The following MYBPC2 variants were observed in gnomAD, a reference collection of about 807,000 sequenced individuals.
MYBPC2 encodes myosin-binding protein C, fast-type.
MYBPC2 carries 122 observed loss-of-function variants against 137.0 expected under a neutral mutation model. The ratio of observed to expected loss-of-function variants is 0.89; its 90% CI spans 0.77 to 1.03. MYBPC2 has a LOEUF of 1.03. Ranked by LOEUF, MYBPC2 falls within the 50% of genes least tolerant of loss-of-function variation. The pLI is 0.00. For synonymous variants in MYBPC2, 626 were observed against 612.3 expected, an observed-to-expected ratio of 1.02 and a Z score of -0.33; for missense variants, 1,500 against 1,534.4, an observed-to-expected ratio of 0.98 and a Z score of 0.37.
rs774231579 is a variant in MYBPC2, at chr19:50,466,251, C to A, written c.*46C>A. The A allele has an allele frequency of 3.7e-6, 6 of 1,612,952 alleles. No individual in the cohort carries two copies. The Admixed American group carries it at 8.3e-5, about 22-fold the overall frequency. On this transcript the variant is annotated 3_prime_UTR_variant, in exon 28 of 28. Coordinates refer to ENST00000357701, the MANE Select transcript of MYBPC2 (RefSeq NM_004533.4). The surrounding 1 kb of genome is among the most constrained non-coding windows in gnomAD (Gnocchi z 4.9). ...AGACAATTGGTGGTGGAGTCCTGAC[C>A]CCAATCCCCAACCTCCCAGGACTGT...
rs377472716 is a variant in MYBPC2, at chr19:50,461,662, C to G, written c.3052C>G (p.Pro1018Ala). The change falls in exon 25 of 28, where the codon CCT becomes GCT. Residue 1018 changes from proline to alanine, a missense_variant. Pro to Ala is a conservative substitution (Grantham distance 27). Coordinates refer to ENST00000357701, the MANE Select transcript of MYBPC2 (RefSeq NM_004533.4). ...TENICGLSDSPGVSKNTARIL... is the reference protein window; with the variant it reads ...TENICGLSDSAGVSKNTARIL... ...GAACATCTGTGGGCTCAGTGACTCA[C>G]CTGGTGTCTCCAAGAACACGGCCCG... The G allele has an allele frequency of 4.3e-6, 7 of 1,613,578 alleles. No individual in the cohort carries two copies. The South Asian group carries it at 7.7e-5, about 18-fold the overall frequency.
chr19:50,450,488 C>T (rs978537739), intron 13 of MYBPC2, among the ~76,000 whole-genome samples: 2 of 152,084 alleles, frequency 1.3e-5, no homozygotes, highest in Admixed American at 6.6e-5. Context: ...TGGCTGGTCT[C>T]GAACTCCTGG....
intron 14 of MYBPC2, 115 bp from the exon 15 acceptor site, chr19:50,451,165 A>T: frequency 7.4e-7 from 1 of 1,346,640 alleles, no homozygotes; most frequent in South Asian, 1.3e-5. Context: ...TGTCTCCAGC[A>T]CCCCAGTTCC....
chr19:50,458,704 G>T lies in MYBPC2; in HGVS notation c.2456G>T (p.Arg819Leu). 6.2e-7 allele frequency: 1 copy of T among 1,610,180 alleles called. No homozygotes were observed. Among genetic ancestry groups the T allele is most frequent in the Non-Finnish European group, 8.5e-7 (1 of 1,179,864 alleles). The stretch of plus-strand genomic sequence containing the variant: ...GTAGTTGGGGTCAACATCGCGGGGC[G>T]CAGCGAGCCGGCCACCCTGGCCCAG... ...FRVVGVNIAG[R>L]SEPATLAQPV... The change falls in exon 21 of 28, where the codon CGC becomes CTC. Residue 819 changes from arginine (R) to leucine (L), a missense_variant. By Grantham distance (102) the Arg-to-Leu change is moderately radical. Transcript: ENST00000357701.
At chr19:50,446,843 C>T (rs923240044) in intron 12 of MYBPC2, among the ~76,000 whole-genome samples, 5 of 149,852 alleles carry the variant, frequency 3.3e-5, no homozygotes, top group Non-Finnish European at 7.4e-5. Context: ...AAAAATTAGC[C>T]GAGCATGGTG....
At chr19:50,445,390 C>T (rs2039794324) in intron 11 of MYBPC2, among the ~76,000 whole-genome samples, 1 of 149,816 alleles carries the variant, frequency 6.7e-6, no homozygotes, top group Non-Finnish European at 1.5e-5. Flanking sequence ...TCTCTCCTCA[C>T]TGCCTTTTTT....
rs745683077 is a variant in MYBPC2 at position 50,443,607 on chromosome 19, T to A, written c.1016T>A (p.Leu339His). Residue 339 changes from leucine (L) to histidine (H), a missense_variant, in exon 10 of 28, where the codon CTC becomes CAC. Physicochemically the swap from Leu to His is moderately conservative, Grantham distance 99. Coordinates refer to ENST00000357701, the MANE Select transcript of MYBPC2 (RefSeq NM_004533.4). ...AAGGATGAGAAGTGTTTCACCGAGC[T>A]CTTCGTCAAAGGTGAGGCTGGAATT... ...AVKDEKCFTE[L>H]FVKEPPVLIV... 1.2e-6 allele frequency: 2 copies of A among 1,613,594 alleles called. No homozygotes were observed. The highest frequency in any genetic ancestry group is 1.7e-6 in the Non-Finnish European group (2 of 1,179,694).
At chr19:50,454,997 C>A in intron 18 of MYBPC2, 111 bp from the exon 19 acceptor site, 6 of 1,000,764 alleles carry the variant, frequency 6.0e-6, no homozygotes, top group Non-Finnish European at 8.6e-6. Context: ...AGATTCATGG[C>A]CTCGGACCGC....
At position 50,458,670 on chromosome 19, in the gene MYBPC2, C is replaced by CCGTCAAGAA; in HGVS notation, c.2422_2423insCGTCAAGAA (p.Leu808delinsProSerArgIle). 1 of 1,612,600 alleles carries CCGTCAAGAA rather than the reference C, an allele frequency of 6.2e-7. No homozygotes were observed. The highest frequency in any genetic ancestry group is 8.5e-7 in the Non-Finnish European group (1 of 1,179,890). On this transcript the variant is annotated protein_altering_variant, in exon 21 of 28. Transcript: ENST00000357701. ...GAATCTCCCGACCGGAGCCAGAATC[C>CCGTCAAGAA]TCTTCCGAGTAGTTGGGGTCAACAT...
intron 7 of MYBPC2, 116 bp from the exon 8 acceptor site, chr19:50,440,764 G>A: frequency 9.7e-7 from 1 of 1,025,696 alleles, no homozygotes; most frequent in Non-Finnish European, 1.4e-6. Context: ...GAAACAATAA[G>A]ACCCCTAAAG....
chr19:50,445,895 G>A lies in MYBPC2; in HGVS notation c.1149G>A (p.Val383=). The A allele has an allele frequency of 1.2e-6, 2 of 1,607,664 alleles. No homozygotes were observed. Among genetic ancestry groups the A allele is most frequent in the Admixed American group, 1.7e-5 (1 of 59,064 alleles). The change falls in exon 12 of 28, where the codon GTG becomes GTA. Residue 383 remains valine, a synonymous_variant. Transcript: ENST00000357701. ...ACCCACCTAGGATGAAAGATGGTGTGGAACTGACTCGGGAGGATTCCTTCA... is the reference window on the plus strand; with the variant it reads ...ACCCACCTAGGATGAAAGATGGTGTAGAACTGACTCGGGAGGATTCCTTCA... ...GAQVMWMKDG[V]ELTREDSFKA... is the part of the protein sequence containing the mutation.
rs1034062577 is a variant in MYBPC2, at chr19:50,455,305, C to T, written c.2203+9C>T. 1 of 1,611,286 alleles carries T rather than the reference C, an allele frequency of 6.2e-7. No individual in the cohort carries two copies. Among genetic ancestry groups the T allele is most frequent in the East Asian group, 2.2e-5 (1 of 44,826 alleles). ...GCCTTTTATGCCTATTGGTAATGTC[C>T]TCCCTCACTTTTATGCCTATTGGTA... On this transcript the variant is annotated intron_variant, in intron 19 of 27. Transcript: ENST00000357701.
At chr19:50,463,105 C>A (rs1267118914) in intron 26 of MYBPC2, among the ~76,000 whole-genome samples, 1 of 152,210 alleles carries the variant, frequency 6.6e-6, no homozygotes, top group Non-Finnish European at 1.5e-5. Context: ...CAAACCATCA[C>A]CCATGGGTCA....
intron 26 of MYBPC2, among the ~76,000 whole-genome samples, 154 bp downstream of exon 26, chr19:50,462,190 A>AT (rs564333279): frequency 0.087 from 12,545 of 144,168 alleles, 651 homozygotes; most frequent in African/African-American, 0.15. Flanking sequence ...TTGATTTTTG[A>AT]TTTTTTTTTT....
chr19:50,445,094 C>T (rs1334615139), intron 11 of MYBPC2, among the ~76,000 whole-genome samples: 1 of 151,966 alleles, frequency 6.6e-6, no homozygotes, highest in Non-Finnish European at 1.5e-5. Flanking sequence ...GTTGTAATAG[C>T]TTCCTAGGAG....
chr19:50,437,673 C>T lies in MYBPC2; in HGVS notation c.527C>T (p.Ser176Leu), dbSNP rs772774458. The change falls in exon 7 of 28, where the codon TCG becomes TTG. Residue 176 changes from serine (S) to leucine (L), a missense_variant. Physicochemically the swap from Ser to Leu is moderately radical, Grantham distance 145. Coordinates refer to ENST00000357701, the MANE Select transcript of MYBPC2 (RefSeq NM_004533.4). Reference protein sequence around the residue: ...ESFKRTSEKKSDTAGELDFSG... With the variant: ...ESFKRTSEKKLDTAGELDFSG... The stretch of plus-strand genomic sequence containing the variant: ...AATGGCCACAGGAGTGAAAAGAAGT[C>T]GGATACTGCAGGTGAGCTGGATTTC... 1.6e-5 allele frequency: 25 copies of T among 1,604,456 alleles called. No homozygotes were observed. Among genetic ancestry groups the T allele is most frequent in the East Asian group, 1.3e-4 (6 of 44,636 alleles).
Position 50,465,036 on chromosome 19 carries a change from T to C in MYBPC2, c.3415+504T>C, listed in dbSNP as rs1263594255. On this transcript the variant is annotated intron_variant, in intron 27 of 27. Transcript: ENST00000357701. The surrounding 1 kb of genome is among the most constrained non-coding windows in gnomAD (Gnocchi z 4.5). ...CGAAAGCTACATCCTCTTCCTCCCA[T>C]ATTCCATTTCCAGCCGCCTCCGTCT... Among the ~76,000 whole-genome samples, 1 of 151,700 alleles carries C rather than the reference T, an allele frequency of 6.6e-6. No homozygotes were observed. The highest frequency in any genetic ancestry group is 1.5e-5 in the Non-Finnish European group (1 of 67,916).
At chr19:50,436,787 A>C in intron 5 of MYBPC2, 53 bp downstream of exon 5, 1 of 1,537,408 alleles carries the variant, frequency 6.5e-7, no homozygotes, top group Non-Finnish European at 9.0e-7. Flanking sequence ...GGTGGGGTGG[A>C]CAGATGTACC....
intron 20 of MYBPC2, 55 bp from the exon 21 acceptor site, chr19:50,458,532 G>C (rs1169629632): frequency 3.8e-6 from 6 of 1,587,010 alleles, no homozygotes; most frequent in Non-Finnish European, 5.1e-6. Context: ...GGGAGAAACG[G>C]GAGCGGAGGA....
Sources: allele counts gnomAD v4.1 joint callset (sites outside exome capture counted in the v4.1 genomes callset), GRCh38; gene constraint gnomAD v4.1.1; non-coding constraint Gnocchi (gnomAD v3.1); transcripts MANE v1.5; gene names NCBI Gene and HGNC (gene_info 2026-07-23, HGNC 2026-07-21).